Variants in FCF1 observed in about 807,000 individuals in gnomAD.
The protein encoded by FCF1 is rRNA-processing protein FCF1 homolog.
Under a neutral mutation model 32.5 loss-of-function variants are expected in FCF1, and 17 were observed. The ratio of observed to expected loss-of-function variants is 0.52; its 90% CI spans 0.36 to 0.78. FCF1 has a LOEUF of 0.78. Ranked by LOEUF, FCF1 falls within the 30% of genes least tolerant of loss-of-function variation. The pLI is 0.00. For synonymous variants in FCF1, 84 were observed against 78.4 expected, an observed-to-expected ratio of 1.07 and a Z score of -0.38; for missense variants, 201 against 241.1, an observed-to-expected ratio of 0.83 and a Z score of 1.10.
At chr14:74,733,305 G>A (rs1456483787) in intron 6 of FCF1, among the ~76,000 whole-genome samples, 1 of 151,460 alleles carries the variant, frequency 6.6e-6, no homozygotes, top group East Asian at 1.9e-4. Flanking sequence ...CCTTCATTAA[G>A]CACCACAAGG....
chr14:74,722,843 T>G (rs975491601), intron 4 of FCF1, among the ~76,000 whole-genome samples: 6 of 151,800 alleles, frequency 4.0e-5, no homozygotes, highest in Non-Finnish European at 8.8e-5. Context: ...CTCGGGAGGC[T>G]GAGGTGGGAG....
intron 5 of FCF1, among the ~76,000 whole-genome samples, chr14:74,727,498 T>G (rs2140034127): frequency 6.6e-6 from 1 of 152,250 alleles, no homozygotes; most frequent in Admixed American, 6.5e-5. Flanking sequence ...TTGTAGATTC[T>G]GAATATTAGC....
At chr14:74,713,400 G>C in intron 1 of FCF1, 85 bp from the exon 2 acceptor site, 1 of 1,534,064 alleles carries the variant, frequency 6.5e-7, no homozygotes, top group Non-Finnish European at 8.9e-7. Context: ...GGCAAGAAGG[G>C]AAGGCAATAG....
chr14:74,734,168 T>C lies in FCF1; in HGVS notation c.546T>C (p.His182=), dbSNP rs541348575. The change falls in exon 7 of 8, where the codon CAT becomes CAC. Residue 182 remains histidine (H), a splice_region_variant and synonymous_variant. Coordinates refer to ENST00000341162, the MANE Select transcript of FCF1 (RefSeq NM_015962.5). ...PGVPIMYISN[H]RYNIERMPDD... ...TTCCTATCATGTACATTTCTAACCATAGGTGAGAAATTTCCCTTGGAGAAG... is the reference window on the plus strand; with the variant it reads ...TTCCTATCATGTACATTTCTAACCACAGGTGAGAAATTTCCCTTGGAGAAG... The C allele has an allele frequency of 1.3e-5, 20 of 1,589,664 alleles. No homozygotes were observed. In the South Asian group the frequency reaches 2.2e-4, roughly 18 times the overall value.
chr14:74,723,465 G>T (rs1008584613), intron 5 of FCF1, 121 bp downstream of exon 5: 3 of 695,198 alleles, frequency 4.3e-6, no homozygotes, highest in South Asian at 3.9e-5. Flanking sequence ...TATCATTTTT[G>T]GGGGGGTTGT....
chr14:74,713,736 T>A, intron 2 of FCF1, 184 bp downstream of exon 2: 1 of 619,638 alleles, frequency 1.6e-6, no homozygotes, highest in Non-Finnish European at 2.9e-6. Context: ...GGAAAGGCGA[T>A]GGGAATTAAA....
At chr14:74,714,028 T>C (rs1329119456) in intron 2 of FCF1, among the ~76,000 whole-genome samples, 1 of 152,310 alleles carries the variant, frequency 6.6e-6, no homozygotes, top group Admixed American at 6.5e-5. Flanking sequence ...CTTACTAATA[T>C]AAGAATCCAA....
At chr14:74,730,377 T>C (rs942618931) in intron 5 of FCF1, among the ~76,000 whole-genome samples, 17 of 151,986 alleles carry the variant, frequency 1.1e-4, no homozygotes, top group Non-Finnish European at 8.8e-5. Flanking sequence ...TATGCATGTC[T>C]GATTATTTTT....
intron 5 of FCF1, among the ~76,000 whole-genome samples, chr14:74,728,550 C>A (rs1023625830): frequency 6.6e-6 from 1 of 151,916 alleles, no homozygotes; most frequent in Non-Finnish European, 1.5e-5. Context: ...CGTCTGCAAA[C>A]GGACAATTTG....
intron 4 of FCF1, among the ~76,000 whole-genome samples, chr14:74,719,905 G>A (rs755822784): frequency 3.3e-5 from 5 of 151,836 alleles, no homozygotes; most frequent in South Asian, 2.1e-4. Flanking sequence ...TTGGGAGGCC[G>A]AAGCACGCGG....
intron 1 of FCF1, 22 bp from the exon 2 acceptor site, chr14:74,713,463 A>G (rs375408533): frequency 6.2e-7 from 1 of 1,611,290 alleles, no homozygotes; most frequent in Non-Finnish European, 8.5e-7. Flanking sequence ...AACTTTTTTA[A>G]TTCTAAAATT....
In FCF1 at chr14:74,734,177, A is replaced by C; in HGVS notation, c.548+7A>C. 1 of 1,563,416 alleles carries C rather than the reference A, an allele frequency of 6.4e-7. No homozygotes were observed. The highest frequency in any genetic ancestry group is 1.1e-5 in the South Asian group (1 of 90,044). On this transcript the variant is annotated splice_region_variant and intron_variant, in intron 7 of 7. Coordinates refer to ENST00000341162, the MANE Select transcript of FCF1 (RefSeq NM_015962.5). ...TGTACATTTCTAACCATAGGTGAGA[A>C]ATTTCCCTTGGAGAAGGGAATAGAA...
At chr14:74,729,745 T>C (rs1461784271) in intron 5 of FCF1, among the ~76,000 whole-genome samples, 2 of 152,194 alleles carry the variant, frequency 1.3e-5, no homozygotes, top group Non-Finnish European at 2.9e-5. Flanking sequence ...CATTTAGTGC[T>C]ATAAATTTCC....
intron 2 of FCF1, among the ~76,000 whole-genome samples, chr14:74,714,449 G>A (rs1325020017): frequency 3.9e-5 from 6 of 152,096 alleles, no homozygotes; most frequent in South Asian, 2.1e-4. Context: ...CTGTATATGC[G>A]TTTTTACATT....
At chr14:74,715,037 G>A in intron 3 of FCF1, 94 bp downstream of exon 3, 1 of 1,275,840 alleles carries the variant, frequency 7.8e-7, no homozygotes, top group Non-Finnish European at 1.1e-6. Flanking sequence ...TTATTTGTTA[G>A]TAAGTCTAGC....
chr14:74,729,735 C>T (rs2090610870), intron 5 of FCF1, among the ~76,000 whole-genome samples: 1 of 151,998 alleles, frequency 6.6e-6, no homozygotes, highest in Non-Finnish European at 1.5e-5. Flanking sequence ...CTCTTGTGGG[C>T]ATTTAGTGCT....
chr14:74,726,603 CTT>C (rs58398533), intron 5 of FCF1, among the ~76,000 whole-genome samples: 73 of 144,146 alleles, frequency 5.1e-4, no homozygotes, highest in East Asian at 1.0e-3. Context: ...ACCCCCATCT[CTT>C]TTTTTTTTTT....
chr14:74,713,550 G>A lies in FCF1; in HGVS notation c.69G>A (p.Arg23=). The part of the protein sequence containing the change: ...MKRMLSLRDQ[R]LKEKDRLKPK... ...GAATGCTTAGTCTCAGAGATCAGAG[G>A]CTGTGAGTGTCTGGAATCAACTGCC... is the stretch of plus-strand genomic sequence containing the variant. The change falls in exon 2 of 8, where the codon AGG becomes AGA. Residue 23 remains arginine (R), a splice_region_variant and synonymous_variant. Coordinates refer to ENST00000341162, the MANE Select transcript of FCF1 (RefSeq NM_015962.5). The A allele has an allele frequency of 1.2e-6, 2 of 1,610,396 alleles. No individual in the cohort carries two copies. The highest frequency in any genetic ancestry group is 1.7e-6 in the Non-Finnish European group (2 of 1,178,342).
chr14:74,731,292 T>C (rs568656475), intron 5 of FCF1, among the ~76,000 whole-genome samples: 17 of 152,258 alleles, frequency 1.1e-4, no homozygotes, highest in African/African-American at 4.1e-4. Flanking sequence ...GCAGAGAATA[T>C]ATGACAGCAT....
Sources: gnomAD v4.1 joint callset for allele counts (sites outside exome capture counted in the v4.1 genomes callset) on GRCh38, gnomAD v4.1.1 for gene constraint, MANE v1.5 for transcripts, NCBI Gene and HGNC (gene_info 2026-07-23, HGNC 2026-07-21) for gene names.